Variants in SLC35F4 observed in about 807,000 individuals in gnomAD.
SLC35F4 encodes chromosome 14 open reading frame 36.
Under a neutral mutation model 44.2 loss-of-function variants are expected in SLC35F4, and 24 were observed. The observed-to-expected ratio is 0.54, with a 90% CI of 0.39 to 0.76. The LOEUF is 0.76. Among genes scored for constraint, SLC35F4 ranks in the 30% least tolerant of loss-of-function variants. SLC35F4 has a pLI of 0.00. For synonymous variants in SLC35F4, 238 were observed against 223.6 expected, an observed-to-expected ratio of 1.06 and a Z score of -0.57; for missense variants, 562 against 586.1, an observed-to-expected ratio of 0.96 and a Z score of 0.42.
intron 1 of SLC35F4, among the ~76,000 whole-genome samples, chr14:57,832,696 A>G (rs896599246): frequency 1.3e-5 from 2 of 152,146 alleles, no homozygotes; most frequent in African/African-American, 2.4e-5. Flanking sequence ...ACTTTTACCA[A>G]CTCCAATTTT....
chr14:57,937,574 GAGAAA>G (rs1162314518), intron 1 of SLC35F4, among the ~76,000 whole-genome samples: 13 of 89,154 alleles, frequency 1.5e-4, no homozygotes, highest in South Asian at 3.6e-4. Context: ...GAAAAGAAAA[GAGAAA>G]AGAAAAGAAA....
intron 1 of SLC35F4, chr14:57,630,022 G>C (rs1047541182): frequency 2.9e-4 from 153 of 534,232 alleles, no homozygotes; most frequent in South Asian, 1.5e-3. Flanking sequence ...TGATGTGTAT[G>C]TTCCGCTTGA....
chr14:57,887,965 C>T (rs1888686357), intron 1 of SLC35F4, among the ~76,000 whole-genome samples: 1 of 152,154 alleles, frequency 6.6e-6, no homozygotes, highest in Non-Finnish European at 1.5e-5. Flanking sequence ...TTCTTCATTG[C>T]CTCATGGACA....
chr14:57,683,230 T>A (rs1211290962), intron 1 of SLC35F4, among the ~76,000 whole-genome samples: 9 of 152,308 alleles, frequency 5.9e-5, no homozygotes, highest in African/African-American at 1.9e-4. Context: ...GGAATGTACA[T>A]CTTATAGATA....
intron 1 of SLC35F4, among the ~76,000 whole-genome samples, chr14:57,749,389 G>A (rs2076831523): frequency 6.6e-6 from 1 of 152,078 alleles, no homozygotes; most frequent in Non-Finnish European, 1.5e-5. Context: ...CCAAGTGAAT[G>A]ATCAGCGGAT....
At chr14:57,960,247 C>T (rs1328605025) in intron 1 of SLC35F4, among the ~76,000 whole-genome samples, 1 of 151,856 alleles carries the variant, frequency 6.6e-6, no homozygotes, top group Non-Finnish European at 1.5e-5. Flanking sequence ...ACCTCAGTGC[C>T]CACAGATGCC....
At chr14:57,873,464 G>A (rs187536126) in intron 1 of SLC35F4, among the ~76,000 whole-genome samples, 1 of 152,218 alleles carries the variant, frequency 6.6e-6, no homozygotes, top group East Asian at 1.9e-4. Context: ...TATCCATTGG[G>A]TAGAATACAC....
intron 1 of SLC35F4, among the ~76,000 whole-genome samples, chr14:57,675,503 A>G (rs2074663180): frequency 6.6e-6 from 1 of 151,982 alleles, no homozygotes; most frequent in African/African-American, 2.4e-5. Flanking sequence ...GATGCCCTTT[A>G]TTTCTTTCTC....
chr14:57,923,492 A>T (rs812691), intron 1 of SLC35F4, among the ~76,000 whole-genome samples: 30,784 of 152,180 alleles, frequency 0.2, 3,333 homozygotes, highest in East Asian at 0.27. Flanking sequence ...CTGGAAATAC[A>T]GAATTCTATC....
At chr14:57,632,143 A>AT (rs201353185) in intron 1 of SLC35F4, among the ~76,000 whole-genome samples, 3,290 of 149,014 alleles carry the variant, frequency 0.022, 87 homozygotes, top group East Asian at 0.14. Flanking sequence ...TGCAGGTTTA[A>AT]TTTTTTTTTT....
intron 1 of SLC35F4, among the ~76,000 whole-genome samples, chr14:57,744,692 C>T (rs1053430442): frequency 3.3e-5 from 5 of 152,162 alleles, no homozygotes; most frequent in Non-Finnish European, 5.9e-5. Flanking sequence ...CATCAGCTAC[C>T]TTTCTTCAGA....
chr14:57,889,157 A>G (rs1243014673), intron 1 of SLC35F4, among the ~76,000 whole-genome samples: 1 of 152,232 alleles, frequency 6.6e-6, no homozygotes. Flanking sequence ...GCTGCCCTAT[A>G]TAAACGATTT....
chr14:57,863,690 C>T (rs2141016561), intron 1 of SLC35F4, among the ~76,000 whole-genome samples: 1 of 152,260 alleles, frequency 6.6e-6, no homozygotes, highest in East Asian at 1.9e-4. Flanking sequence ...GGTTCCCTGG[C>T]CCTCCTCCAG....
chr14:57,863,429 G>C (rs1887846650), intron 1 of SLC35F4, among the ~76,000 whole-genome samples: 1 of 152,204 alleles, frequency 6.6e-6, no homozygotes, highest in Non-Finnish European at 1.5e-5. Context: ...CTCCAAAAAG[G>C]TAAATGGCAT....
intron 1 of SLC35F4, among the ~76,000 whole-genome samples, chr14:57,926,271 C>T (rs1467491577): frequency 6.6e-6 from 1 of 152,202 alleles, no homozygotes; most frequent in Non-Finnish European, 1.5e-5. Context: ...AGCACGTGCT[C>T]TACAAATGTT....
chr14:57,847,633 C>T (rs1886153245), intron 1 of SLC35F4, among the ~76,000 whole-genome samples: 1 of 152,086 alleles, frequency 6.6e-6, no homozygotes, highest in South Asian at 2.1e-4. Context: ...ATATAACATA[C>T]ATACAGAAAA....
chr14:57,736,329 C>G (rs749527999), intron 1 of SLC35F4, among the ~76,000 whole-genome samples: 1 of 152,204 alleles, frequency 6.6e-6, no homozygotes, highest in African/African-American at 2.4e-5. Flanking sequence ...TTTCTCCCCT[C>G]CACAGTAACT....
chr14:57,720,708 G>C (rs1317270541), intron 1 of SLC35F4, among the ~76,000 whole-genome samples: 2 of 151,990 alleles, frequency 1.3e-5, no homozygotes, highest in African/African-American at 4.8e-5. Flanking sequence ...TGAGTCAGTA[G>C]GCTGGGAAAG....
Position 57,680,123 on chromosome 14 carries a change from A to C in SLC35F4, c.104-85999T>G, listed in dbSNP as rs1002068980. On this transcript the variant is annotated intron_variant, in intron 1 of 7. Transcript: ENST00000556826. Reference sequence around the variant, plus strand: ...GATGAACATTGACACAAAAATTCTTAATAAAATACTGGCAAACCGAATCCA... The same window carrying C: ...GATGAACATTGACACAAAAATTCTTCATAAAATACTGGCAAACCGAATCCA... Among the ~76,000 whole-genome samples, 6 of 152,138 alleles carry C rather than the reference A, an allele frequency of 3.9e-5. 1 individual carries two copies. The highest frequency in any genetic ancestry group is 1.5e-4 in the African/African-American group (6 of 41,360).
Sources: allele counts gnomAD v4.1 joint callset (sites outside exome capture counted in the v4.1 genomes callset), GRCh38; gene constraint gnomAD v4.1.1; transcripts MANE v1.5; gene names NCBI Gene and HGNC (gene_info 2026-07-23, HGNC 2026-07-21).